Variants in PLCH2 observed in about 807,000 individuals in gnomAD.
PLCH2 encodes the protein phospholipase C eta 2.
In PLCH2, 98 loss-of-function variants were observed where a neutral mutation model predicts 134.7. The observed-to-expected ratio is 0.73, with a 90% CI of 0.62 to 0.86. PLCH2 has a LOEUF of 0.86. PLCH2 is among the 40% of genes least tolerant of loss of function. The pLI is 0.00. For missense variants in PLCH2, 1,994 were observed against 1,986.6 expected (o/e 1.00, Z -0.07); for synonymous variants, 974 against 827.5 (o/e 1.18, Z -3.04).
intron 11 of PLCH2, among the ~76,000 whole-genome samples, chr1:2,491,990 G>A (rs1386045747): frequency 1.3e-5 from 2 of 152,178 alleles, no homozygotes; most frequent in African/African-American, 4.8e-5. Context: ...GGGAGCGTGG[G>A]TGGGCCCTAC....
At chr1:2,431,640 C>T (rs776693477) in intron 2 of PLCH2, among the ~76,000 whole-genome samples, 4 of 152,116 alleles carry the variant, frequency 2.6e-5, no homozygotes, top group Admixed American at 6.5e-5. Context: ...GAGGAGCCAG[C>T]GGTCCTATAT....
upstream of PLCH2, among the ~76,000 whole-genome samples, chr1:2,467,261 G>C (rs1029137179): frequency 3.3e-5 from 5 of 152,120 alleles, no homozygotes. Flanking sequence ...CAGCCAACCC[G>C]CCTCCCCTTC....
chr1:2,443,672 G>A (rs1639796711), intron 2 of PLCH2, among the ~76,000 whole-genome samples: 1 of 149,248 alleles, frequency 6.7e-6, no homozygotes, highest in Non-Finnish European at 1.5e-5. Flanking sequence ...TGCCCGCCGC[G>A]GAGCCCGCGC....
chr1:2,476,387 G>C lies in PLCH2; in HGVS notation c.-202G>C. 1.9e-6 allele frequency: 1 copy of C among 514,738 alleles called. No individual in the cohort carries two copies. Among genetic ancestry groups the C allele is most frequent in the Non-Finnish European group, 3.4e-6 (1 of 296,314 alleles). The allele number at this position is 514,738 out of a possible 1,614,324, so 31.9% of individuals were successfully genotyped here. On this transcript the variant is annotated 5_prime_UTR_variant, in exon 1 of 22. Coordinates refer to ENST00000378486, the MANE Select transcript of PLCH2 (RefSeq NM_014638.4). ...GGCCTGGGGGCCATCAGGACAGCAGGTGACGGTCAGGCCAATGCCAGCCGG... is the reference window on the plus strand; with the variant it reads ...GGCCTGGGGGCCATCAGGACAGCAGCTGACGGTCAGGCCAATGCCAGCCGG...
At chr1:2,428,821 A>G (rs570030735) in intron 1 of PLCH2, among the ~76,000 whole-genome samples, 4 of 152,332 alleles carry the variant, frequency 2.6e-5, no homozygotes, top group South Asian at 2.1e-4. Context: ...GGGAGACCCC[A>G]TGCCTGGGGG....
chr1:2,472,802 C>G (rs1015291473), upstream of PLCH2, among the ~76,000 whole-genome samples: 1 of 152,108 alleles, frequency 6.6e-6, no homozygotes, highest in African/African-American at 2.4e-5. Context: ...GGCCCCTGCC[C>G]GTCCCGTACA....
chr1:2,421,284 T>C (rs1010171656), upstream of PLCH2, among the ~76,000 whole-genome samples: 3 of 152,176 alleles, frequency 2.0e-5, no homozygotes, highest in African/African-American at 7.2e-5. Context: ...CAAGGAGCTT[T>C]GGTTTTGGGG....
At chr1:2,455,331 C>A (rs2100568710) in intron 2 of PLCH2, among the ~76,000 whole-genome samples, 1 of 152,274 alleles carries the variant, frequency 6.6e-6, no homozygotes, top group African/African-American at 2.4e-5. Context: ...GCCTGAGCAC[C>A]AAGGTGTCGG....
rs1378498870 is a variant in PLCH2 at position 2,504,127 on chromosome 1, G to C, written c.3165G>C (p.Arg1055Ser). 6.6e-7 allele frequency: 1 copy of C among 1,523,406 alleles called. No homozygotes were observed. Among genetic ancestry groups the C allele is most frequent in the Non-Finnish European group, 8.8e-7 (1 of 1,136,544 alleles). The allele number at this position is 1,523,406 out of a possible 1,614,324, so 94.4% of individuals were successfully genotyped here. A position where few individuals can be genotyped will look rare whatever the true frequency, so the allele number is the denominator to read the frequency against. The change falls in exon 22 of 22, where the codon AGG becomes AGC. Residue 1055 changes from arginine (R) to serine (S), a missense_variant. Around this residue, in one of 2 missense-constraint regions of PLCH2, gnomAD observed 900 missense variants for 752.3 expected, o/e 1.20. Transcript: ENST00000378486. Reference sequence around the variant, plus strand: ...ACACTGAGGAGCCCCGAGACAGCAGGCCTCGGCCGTGCAACGGCGAGGGCG... The same window carrying C: ...ACACTGAGGAGCCCCGAGACAGCAGCCCTCGGCCGTGCAACGGCGAGGGCG... ...LEDTEEPRDS[R>S]PRPCNGEGAG...
Position 2,505,490 on chromosome 1 carries a change from G to A in PLCH2, c.*277G>A, listed in dbSNP as rs1371560795. 1.4e-5 allele frequency: 7 copies of A among 497,442 alleles called. No individual in the cohort carries two copies. In the East Asian group the frequency reaches 1.8e-4, roughly 13 times the overall value. 30.8% of individuals were successfully genotyped at this position (497,442 alleles called of 1,614,324 possible). A position where few individuals can be genotyped will look rare whatever the true frequency, so the allele number is the denominator to read the frequency against. On this transcript the variant is annotated 3_prime_UTR_variant, in exon 22 of 22. Coordinates refer to ENST00000378486, the MANE Select transcript of PLCH2 (RefSeq NM_014638.4). ...TAGAGAAATATTTAAATTTTTAGAA[G>A]CAAAACTTATACAACATTAAAATGA...
chr1:2,503,953 C>G lies in PLCH2; in HGVS notation c.2991C>G (p.Leu997=), dbSNP rs780340004. The G allele has an allele frequency of 1.5e-5, 21 of 1,411,358 alleles. No individual in the cohort carries two copies. Among genetic ancestry groups the G allele is most frequent in the Non-Finnish European group, 1.9e-5 (19 of 1,022,956 alleles). 87.4% of individuals were successfully genotyped at this position (1,411,358 alleles called of 1,614,324 possible). A position where few individuals can be genotyped will look rare whatever the true frequency, so the allele number is the denominator to read the frequency against. ...DTRPLSTQRP[L]PPLCSLETIA... ...GCCCCCTCTCCACGCAGCGGCCACT[C>G]CCCCCACTGTGCAGCCTGGAAACCA... The change falls in exon 22 of 22, where the codon CTC becomes CTG. Residue 997 remains leucine, a synonymous_variant. Transcript: ENST00000378486.
intron 21 of PLCH2, chr1:2,503,323 C>A: frequency 1.7e-6 from 1 of 574,780 alleles, no homozygotes; most frequent in Middle Eastern, 4.6e-4. Context: ...CCCATTCCCA[C>A]CTCCCTCTAG....
chr1:2,469,259 A>G (rs944659831), intron 1 of PLCH2, among the ~76,000 whole-genome samples: 2 of 152,160 alleles, frequency 1.3e-5, no homozygotes, highest in East Asian at 3.9e-4. Flanking sequence ...CCAAAGCCCC[A>G]GGTTCCAGGA....
At chr1:2,499,331 G>A in intron 19 of PLCH2, 101 bp downstream of exon 19, 3 of 1,332,046 alleles carry the variant, frequency 2.3e-6, no homozygotes, top group Non-Finnish European at 3.1e-6. Flanking sequence ...AGGTGGGCCT[G>A]CACCTGGCAC....
chr1:2,478,417 GTC>G lies in PLCH2; in HGVS notation c.125-54_125-53del, dbSNP rs369619702. The G allele has an allele frequency of 2.1e-3, 3,289 of 1,590,684 alleles. 69 individuals are homozygous for G. In the African/African-American group the frequency reaches 0.039, roughly 19 times the overall value. ...TGGCCGTGCCTCCGCTGACGGCCGT[GTC>G]TCTCCTGCGAGGAGTGGCTGTGCCT... is the stretch of plus-strand genomic sequence containing the variant. On this transcript the variant is annotated intron_variant, in intron 1 of 21. Coordinates refer to ENST00000378486, the MANE Select transcript of PLCH2 (RefSeq NM_014638.4).
upstream of PLCH2, among the ~76,000 whole-genome samples, chr1:2,421,834 C>T (rs564828152): frequency 5.3e-5 from 8 of 151,320 alleles, no homozygotes; most frequent in South Asian, 2.1e-4. Flanking sequence ...ATTAGCTGGG[C>T]GTGGTGGCGC....
upstream of PLCH2, among the ~76,000 whole-genome samples, chr1:2,423,614 G>A (rs1057224730): frequency 6.6e-6 from 1 of 152,122 alleles, no homozygotes; most frequent in Non-Finnish European, 1.5e-5. Context: ...TCACTGACTT[G>A]TTGGGGTAAG....
chr1:2,501,987 C>A, intron 20 of PLCH2, 125 bp from the exon 21 acceptor site: 1 of 887,390 alleles, frequency 1.1e-6, no homozygotes, highest in Non-Finnish European at 1.6e-6. Context: ...CTGAGGTGGC[C>A]CAGCCCCTCG....
At chr1:2,500,088 T>A in intron 20 of PLCH2, 1 of 313,670 alleles carries the variant, frequency 3.2e-6, no homozygotes, top group South Asian at 5.1e-5. Flanking sequence ...GATGCCCCTC[T>A]CCCCTCTACT....
Sources: allele counts gnomAD v4.1 joint callset (sites outside exome capture counted in the v4.1 genomes callset), GRCh38; gene constraint gnomAD v4.1.1; regional missense constraint gnomAD v4.1.1; transcripts MANE v1.5; gene names NCBI Gene and HGNC (gene_info 2026-07-23, HGNC 2026-07-21).